MARCHF11: variants seen among roughly 807,000 people sequenced by gnomAD.
MARCHF11 encodes the protein membrane associated ring-CH-type finger 11.
In MARCHF11, 29 loss-of-function variants were observed where a neutral mutation model predicts 37.3. The observed-to-expected ratio is 0.78, with a 90% CI of 0.58 to 1.06. The LOEUF (loss-of-function observed/expected upper bound fraction) is 1.06, where lower values mean the gene tolerates loss of function less well. MARCHF11 is among the 50% of genes least tolerant of loss of function. MARCHF11 has a pLI of 0.00. For missense variants in MARCHF11, 482 were observed against 533.4 expected, an observed-to-expected ratio of 0.90 and a Z score of 0.95; for synonymous variants, 233 against 228.0, an observed-to-expected ratio of 1.02 and a Z score of -0.20.
chr5:16,106,789 C>A (rs570925251), intron 2 of MARCHF11, among the ~76,000 whole-genome samples: 1 of 152,266 alleles, frequency 6.6e-6, no homozygotes, highest in African/African-American at 2.4e-5. Flanking sequence ...ACAGACCTTG[C>A]AACAAAAAAC....
intron 3 of MARCHF11, among the ~76,000 whole-genome samples, chr5:16,088,483 C>T (rs760400755): frequency 1.2e-4 from 18 of 152,102 alleles, no homozygotes; most frequent in Non-Finnish European, 1.5e-4. Flanking sequence ...ATCTTCCAGT[C>T]GGGAGTATTT....
rs185110526 is a variant in MARCHF11 at position 16,075,825 on chromosome 5, G to C, written c.887-8032C>G. On this transcript the variant is annotated intron_variant, in intron 3 of 3. Transcript: ENST00000332432. ...GTTCACGAGTGGGTTTTGGTCTTTG[G>C]GGGTAACGGTGGTGAGGGGAACATA... 5.1e-3 allele frequency among the ~76,000 whole-genome samples: 778 copies of C among 152,314 alleles called. 32 individuals are homozygous for C. Among genetic ancestry groups the C allele is most frequent in the Admixed American group, 0.049 (744 of 15,292 alleles).
At chr5:16,156,692 G>T (rs1345448477) in intron 2 of MARCHF11, among the ~76,000 whole-genome samples, 3 of 151,828 alleles carry the variant, frequency 2.0e-5, no homozygotes, top group Admixed American at 6.6e-5. Flanking sequence ...TCTGAAAAAT[G>T]TGTCATTAAG....
rs188528835 is a variant in MARCHF11, at chr5:16,075,229, C to T, written c.887-7436G>A. Among the ~76,000 whole-genome samples the T allele has an allele frequency of 1.7e-3, 265 of 152,322 alleles. 6 individuals are homozygous for T. Among genetic ancestry groups the T allele is most frequent in the Admixed American group, 0.015 (228 of 15,306 alleles). On this transcript the variant is annotated intron_variant, in intron 3 of 3. Transcript: ENST00000332432. Reference sequence around the variant, plus strand: ...CTCTCTGCTCTTGCACAAACTTCTGCTAATTCTGTCTTCTTGGCAAACCTG... The same window carrying T: ...CTCTCTGCTCTTGCACAAACTTCTGTTAATTCTGTCTTCTTGGCAAACCTG...
At chr5:16,079,707 G>C (rs895880113) in intron 3 of MARCHF11, among the ~76,000 whole-genome samples, 1 of 152,150 alleles carries the variant, frequency 6.6e-6, no homozygotes, top group Non-Finnish European at 1.5e-5. Flanking sequence ...GCTCTCCTCC[G>C]AGTCTTTTCC....
chr5:16,084,657 A>C (rs943465431), intron 3 of MARCHF11, among the ~76,000 whole-genome samples: 4 of 152,152 alleles, frequency 2.6e-5, no homozygotes, highest in Non-Finnish European at 4.4e-5. Context: ...AAACAAAAAA[A>C]AAAAAGAATT....
chr5:16,151,648 A>AGTGTGTGTGT (rs756908947), intron 2 of MARCHF11, among the ~76,000 whole-genome samples: 1 of 27,252 alleles, frequency 3.7e-5, no homozygotes, highest in Non-Finnish European at 8.2e-5. Flanking sequence ...GCGTGAGTTG[A>AGTGTGTGTGT]ATGTGTGTGT....
chr5:16,103,349 C>A (rs534811623), intron 2 of MARCHF11, among the ~76,000 whole-genome samples: 138 of 152,008 alleles, frequency 9.1e-4, no homozygotes, highest in African/African-American at 3.3e-3. Flanking sequence ...GTGCACAGGA[C>A]GGTGTGTTTG....
chr5:16,179,366 C>A lies in MARCHF11; in HGVS notation c.210G>T (p.Gly70=), dbSNP rs2126615088. ...CTCCCCTGCACCGCGGGGCCACCTC[C>A]CCTAGCGGCTCGCTTGGCCCCGCGG... The part of the protein sequence containing the change: ...ERAAGPSEPL[G]EVAPRCRGAD... Residue 70 remains glycine, a synonymous_variant, in exon 1 of 4, where the codon GGG becomes GGT. Transcript: ENST00000332432. 2 of 1,171,804 alleles carry A rather than the reference C, an allele frequency of 1.7e-6. No homozygotes were observed. Among genetic ancestry groups the A allele is most frequent in the Admixed American group, 9.3e-5 (2 of 21,466 alleles). The allele number at this position is 1,171,804 out of a possible 1,614,324, so 72.6% of individuals were successfully genotyped here. A position where few individuals can be genotyped will look rare whatever the true frequency, so the allele number is the denominator to read the frequency against.
intron 2 of MARCHF11, among the ~76,000 whole-genome samples, chr5:16,145,753 C>T (rs115622785): frequency 0.018 from 2,756 of 151,134 alleles, 43 homozygotes; most frequent in Non-Finnish European, 0.028. Flanking sequence ...AAAAAAAATA[C>T]AAAAAGATGT....
intron 2 of MARCHF11, among the ~76,000 whole-genome samples, chr5:16,121,185 A>G (rs989175110): frequency 2.6e-5 from 4 of 152,208 alleles, no homozygotes; most frequent in African/African-American, 9.6e-5. Flanking sequence ...ACTATGATCC[A>G]TCAGTGAGGC....
intron 2 of MARCHF11, among the ~76,000 whole-genome samples, chr5:16,091,684 C>G (rs897107597): frequency 1.3e-5 from 2 of 152,140 alleles, no homozygotes; most frequent in African/African-American, 4.8e-5. Context: ...AATGGGTAAG[C>G]CATGAAGTAT....
chr5:16,101,250 C>A (rs1736952006), intron 2 of MARCHF11, among the ~76,000 whole-genome samples: 1 of 152,124 alleles, frequency 6.6e-6, no homozygotes, highest in Non-Finnish European at 1.5e-5. Flanking sequence ...ATTTTAGGCT[C>A]CTGTAGTCCC....
chr5:16,087,621 A>AT (rs1252480978), intron 3 of MARCHF11, among the ~76,000 whole-genome samples: 1 of 152,188 alleles, frequency 6.6e-6, no homozygotes, highest in African/African-American at 2.4e-5. Context: ...GATACAGAAT[A>AT]TTTTCATCCT....
At chr5:16,168,804 C>T (rs1041091069) in intron 2 of MARCHF11, among the ~76,000 whole-genome samples, 2 of 152,104 alleles carry the variant, frequency 1.3e-5, no homozygotes, top group African/African-American at 4.8e-5. Flanking sequence ...ATGCTCAATA[C>T]AGGCCTGGCA....
intron 2 of MARCHF11, among the ~76,000 whole-genome samples, chr5:16,111,728 A>C (rs759131836): frequency 6.6e-6 from 1 of 152,220 alleles, no homozygotes; most frequent in Admixed American, 6.5e-5. Flanking sequence ...GACAATAGGG[A>C]AAATGTCTCA....
chr5:16,089,055 A>G (rs1335436959), intron 3 of MARCHF11, among the ~76,000 whole-genome samples: 6 of 152,102 alleles, frequency 3.9e-5, no homozygotes, highest in Non-Finnish European at 7.4e-5. Flanking sequence ...TAGTCATCAA[A>G]ATTTAAGACA....
chr5:16,165,956 C>A (rs576953905), intron 2 of MARCHF11, among the ~76,000 whole-genome samples: 2 of 152,166 alleles, frequency 1.3e-5, no homozygotes, highest in Admixed American at 1.3e-4. Context: ...TACCATTGAA[C>A]CACCAGTGCA....
At chr5:16,077,033 A>G (rs1316730235) in intron 3 of MARCHF11, among the ~76,000 whole-genome samples, 1 of 152,192 alleles carries the variant, frequency 6.6e-6, no homozygotes, top group African/African-American at 2.4e-5. Flanking sequence ...TTTGGATAGG[A>G]TATAGGAGGA....
Sources: allele counts gnomAD v4.1 joint callset (sites outside exome capture counted in the v4.1 genomes callset), GRCh38; gene constraint gnomAD v4.1.1; transcripts MANE v1.5; gene names NCBI Gene and HGNC (gene_info 2026-07-23, HGNC 2026-07-21).